PDGFC: variants seen among roughly 807,000 people sequenced by gnomAD.
PDGFC encodes the protein platelet-derived growth factor C.
Under a neutral mutation model 35.5 loss-of-function variants are expected in PDGFC, and 12 were observed. The ratio of observed to expected loss-of-function variants is 0.34; its 90% CI spans 0.22 to 0.55. The LOEUF is 0.55. PDGFC is among the 20% of genes least tolerant of loss of function. The pLI, the probability that PDGFC is intolerant of heterozygous loss-of-function variation, is 0.91. For missense variants in PDGFC, 322 were observed against 412.4 expected, an observed-to-expected ratio of 0.78 and a Z score of 1.90; for synonymous variants, 159 against 148.8, an observed-to-expected ratio of 1.07 and a Z score of -0.50.
intron 1 of PDGFC, among the ~76,000 whole-genome samples, chr4:156,913,395 G>A (rs1015932244): frequency 2.0e-5 from 3 of 151,946 alleles, no homozygotes; most frequent in Non-Finnish European, 2.9e-5. Context: ...CTTTGTACCA[G>A]GCCAAACTGC....
intron 4 of PDGFC, 62 bp downstream of exon 4, chr4:156,772,624 G>T (rs1413696647): frequency 1.9e-6 from 2 of 1,033,372 alleles, no homozygotes; most frequent in Non-Finnish European, 3.0e-6. Flanking sequence ...TGTGGCAGAA[G>T]AATCTGAAAC....
intron 3 of PDGFC, among the ~76,000 whole-genome samples, chr4:156,805,909 C>G (rs917130091): frequency 9.2e-5 from 14 of 151,904 alleles, no homozygotes; most frequent in African/African-American, 3.4e-4. Context: ...CCTTCTAACC[C>G]CTCCCCACAG....
chr4:156,875,156 G>A (rs892715909), intron 1 of PDGFC, among the ~76,000 whole-genome samples: 4 of 152,274 alleles, frequency 2.6e-5, no homozygotes, highest in African/African-American at 9.6e-5. Flanking sequence ...AAGAAACAGA[G>A]ATGGCAGCTG....
intron 1 of PDGFC, among the ~76,000 whole-genome samples, chr4:156,928,655 A>G (rs1731475902): frequency 1.3e-5 from 2 of 152,226 alleles, no homozygotes; most frequent in African/African-American, 4.8e-5. Context: ...TTGTCTCCAG[A>G]AATCCCTGAA....
intron 1 of PDGFC, among the ~76,000 whole-genome samples, chr4:156,914,113 T>C (rs1731103861): frequency 6.6e-6 from 1 of 152,056 alleles, no homozygotes; most frequent in Non-Finnish European, 1.5e-5. Flanking sequence ...CAAACATGTT[T>C]TCCTCTGCAC....
At chr4:156,879,688 G>T (rs1730196647) in intron 1 of PDGFC, among the ~76,000 whole-genome samples, 1 of 152,156 alleles carries the variant, frequency 6.6e-6, no homozygotes, top group African/African-American at 2.4e-5. Context: ...AGAAAGTGCA[G>T]ATTTTTACTG....
At chr4:156,889,564 T>C (rs1238531735) in intron 1 of PDGFC, among the ~76,000 whole-genome samples, 1 of 152,210 alleles carries the variant, frequency 6.6e-6, no homozygotes, top group African/African-American at 2.4e-5. Context: ...ATGTCTATGA[T>C]GACAATACTG....
intron 1 of PDGFC, among the ~76,000 whole-genome samples, chr4:156,867,475 G>A (rs1729872199): frequency 6.6e-6 from 1 of 152,282 alleles, no homozygotes; most frequent in South Asian, 2.1e-4. Flanking sequence ...GGAGATGGTG[G>A]TAATGGGTGA....
chr4:156,802,555 T>TACAC (rs3042776), intron 3 of PDGFC, among the ~76,000 whole-genome samples: 8,327 of 145,608 alleles, frequency 0.057, 740 homozygotes, highest in African/African-American at 0.19. Context: ...TACACACACA[T>TACAC]ACACACACAC....
chr4:156,856,881 G>GT lies in PDGFC; in HGVS notation c.119-6466_119-6465insA, dbSNP rs1729596406. The stretch of plus-strand genomic sequence containing the variant: ...CTACAAACATATTTCAGCAGAAAGT[G>GT]ATAGGACTTAGAGTATGCATTATTG... On this transcript the variant is annotated intron_variant, in intron 1 of 5. Coordinates refer to ENST00000502773, the MANE Select transcript of PDGFC (RefSeq NM_016205.3). Among the ~76,000 whole-genome samples the GT allele has an allele frequency of 2.0e-5, 3 of 152,178 alleles. No individual in the cohort carries two copies. The South Asian group carries it at 6.2e-4, about 32-fold the overall frequency.
At chr4:156,845,992 A>C (rs542331876) in intron 2 of PDGFC, among the ~76,000 whole-genome samples, 1 of 151,912 alleles carries the variant, frequency 6.6e-6, no homozygotes, top group African/African-American at 2.4e-5. Flanking sequence ...AATAAAACAA[A>C]AGACATAAAG....
At chr4:156,780,821 C>T (rs888289674) in intron 3 of PDGFC, among the ~76,000 whole-genome samples, 1 of 152,150 alleles carries the variant, frequency 6.6e-6, no homozygotes, top group African/African-American at 2.4e-5. Flanking sequence ...GACCCCCCCA[C>T]ATGGCTGAAT....
intron 3 of PDGFC, 41 bp from the exon 4 acceptor site, chr4:156,772,934 G>A (rs756603979): frequency 1.4e-5 from 19 of 1,326,356 alleles, no homozygotes; most frequent in African/African-American, 1.0e-4. Context: ...TTTTAAAAAC[G>A]ACAATGTATT....
chr4:156,807,712 T>C (rs549816645), intron 3 of PDGFC, among the ~76,000 whole-genome samples: 36 of 152,162 alleles, frequency 2.4e-4, no homozygotes, highest in Middle Eastern at 3.4e-3. Flanking sequence ...CAGAACCCGA[T>C]ATCCATTTAT....
intron 1 of PDGFC, among the ~76,000 whole-genome samples, chr4:156,885,002 ACTTTTGCC>A (rs2111179992): frequency 6.6e-6 from 1 of 152,318 alleles, no homozygotes; most frequent in Admixed American, 6.5e-5. Flanking sequence ...TAAATTCCCT[ACTTTTGCC>A]CTTTAGCTTC....
At chr4:156,913,861 C>G (rs1731098435) in intron 1 of PDGFC, among the ~76,000 whole-genome samples, 1 of 152,136 alleles carries the variant, frequency 6.6e-6, no homozygotes, top group South Asian at 2.1e-4. Flanking sequence ...GGTTGAGGTT[C>G]AGGCTTTTAT....
intron 2 of PDGFC, among the ~76,000 whole-genome samples, chr4:156,817,509 A>G (rs1266394835): frequency 6.6e-6 from 1 of 152,218 alleles, no homozygotes; most frequent in African/African-American, 2.4e-5. Flanking sequence ...CTGGAAAAGT[A>G]GAAAAAGTTA....
intron 1 of PDGFC, among the ~76,000 whole-genome samples, chr4:156,944,132 T>C (rs1243084921): frequency 6.6e-6 from 1 of 152,166 alleles, no homozygotes; most frequent in Non-Finnish European, 1.5e-5. Flanking sequence ...GGAGCCAGAC[T>C]GCCCTTGCTG....
chr4:156,935,997 A>T (rs1317902477), intron 1 of PDGFC, among the ~76,000 whole-genome samples: 1 of 152,190 alleles, frequency 6.6e-6, no homozygotes, highest in Non-Finnish European at 1.5e-5. Flanking sequence ...CTAGAACGAA[A>T]ATACATGTGA....
Sources: allele counts gnomAD v4.1 joint callset (sites outside exome capture counted in the v4.1 genomes callset), GRCh38; gene constraint gnomAD v4.1.1; transcripts MANE v1.5; gene names NCBI Gene and HGNC (gene_info 2026-07-23, HGNC 2026-07-21).